The following CACNA1C variants were observed in gnomAD, a reference collection of about 807,000 sequenced individuals.
CACNA1C encodes the protein voltage-dependent L-type calcium channel subunit alpha-1C.
CACNA1C carries 30 observed loss-of-function variants against 229.0 expected under a neutral mutation model. The ratio of observed to expected loss-of-function variants is 0.13; its 90% CI spans 0.10 to 0.18. The LOEUF is 0.18. CACNA1C is among the 10% of genes least tolerant of loss of function. The pLI is 1.00. For missense variants in CACNA1C, 1,658 were observed against 2,845.0 expected, an observed-to-expected ratio of 0.58 and a Z score of 9.49; for synonymous variants, 1,114 against 1,132.5, an observed-to-expected ratio of 0.98 and a Z score of 0.33.
At chr12:1,982,438 T>C (rs1235848803) in intron 1 of CACNA1C, among the ~76,000 whole-genome samples, 1 of 152,192 alleles carries the variant, frequency 6.6e-6, no homozygotes, top group African/African-American at 2.4e-5. Flanking sequence ...TGAATTTGAC[T>C]ACTCTAGGTA....
At chr12:2,118,264 G>A (rs1371617084) in intron 2 of CACNA1C, among the ~76,000 whole-genome samples, 1 of 152,196 alleles carries the variant, frequency 6.6e-6, no homozygotes, top group Non-Finnish European at 1.5e-5. Flanking sequence ...GTGTGCACGG[G>A]TCTGGTTTGG....
intron 5 of CACNA1C, among the ~76,000 whole-genome samples, chr12:2,470,741 C>A (rs1247840636): frequency 6.6e-6 from 1 of 152,208 alleles, no homozygotes; most frequent in Non-Finnish European, 1.5e-5. Context: ...AGGAAGCACT[C>A]AGCAAATACT....
At chr12:2,156,010 G>A (rs925647195) in intron 3 of CACNA1C, among the ~76,000 whole-genome samples, 1 of 152,112 alleles carries the variant, frequency 6.6e-6, no homozygotes, top group Non-Finnish European at 1.5e-5. Context: ...AAAATCTGCA[G>A]CTTAGACACA....
chr12:2,494,226 C>T (rs1454984975), intron 7 of CACNA1C, among the ~76,000 whole-genome samples: 1 of 152,144 alleles, frequency 6.6e-6, no homozygotes, highest in Non-Finnish European at 1.5e-5. Context: ...CCTTTTATTA[C>T]CCAGTAGCCA....
intron 3 of CACNA1C, among the ~76,000 whole-genome samples, chr12:2,253,082 T>C (rs955049464): frequency 9.2e-5 from 14 of 152,300 alleles, no homozygotes; most frequent in Middle Eastern, 3.4e-3. Flanking sequence ...AGGGGAGAAG[T>C]GACCTATCTG....
Position 2,058,732 on chromosome 12 carries a change from A to G in CACNA1C, c.49+5121A>G, listed in dbSNP as rs147254249. Among the ~76,000 whole-genome samples the G allele has an allele frequency of 6.2e-3, 945 of 152,324 alleles. 7 individuals are homozygous for G. Among genetic ancestry groups the G allele is most frequent in the African/African-American group, 0.022 (918 of 41,572 alleles). On this transcript the variant is annotated intron_variant, in intron 1 of 46. Transcript: ENST00000399655. ...GTAAAAGTGACAGGATCCCTCGGGG[A>G]AAATGGAATGGAATGTTTTTCGGTG... is the stretch of plus-strand genomic sequence containing the variant.
At chr12:2,622,983 T>G (rs1328271290) in intron 29 of CACNA1C, among the ~76,000 whole-genome samples, 1 of 152,222 alleles carries the variant, frequency 6.6e-6, no homozygotes, top group African/African-American at 2.4e-5. Flanking sequence ...TTGGAGTCAC[T>G]TTTGAGGAAG....
chr12:2,541,815 T>C (rs1162269550), intron 9 of CACNA1C, among the ~76,000 whole-genome samples: 1 of 152,258 alleles, frequency 6.6e-6, no homozygotes, highest in African/African-American at 2.4e-5. Flanking sequence ...AAGTCGAAGC[T>C]ATTTTGGGTG....
intron 3 of CACNA1C, among the ~76,000 whole-genome samples, chr12:2,141,804 T>TGC (rs1257624707): frequency 6.6e-6 from 1 of 151,236 alleles, no homozygotes; most frequent in Non-Finnish European, 1.5e-5. Context: ...GGCCCCCATC[T>TGC]ATCTGGAAGT....
intron 3 of CACNA1C, among the ~76,000 whole-genome samples, chr12:2,255,630 G>T (rs976982512): frequency 5.9e-5 from 9 of 152,316 alleles, no homozygotes; most frequent in African/African-American, 2.2e-4. Flanking sequence ...GTGGCCTTCA[G>T]AAGACCAGGA....
chr12:2,658,974 T>TA (rs945215347), intron 34 of CACNA1C, among the ~76,000 whole-genome samples: 5 of 152,100 alleles, frequency 3.3e-5, no homozygotes, highest in South Asian at 2.1e-4. Context: ...GTCCAAAAGT[T>TA]AAAAAAAATT....
chr12:2,184,741 A>T (rs1488920657), intron 3 of CACNA1C, among the ~76,000 whole-genome samples: 1 of 152,200 alleles, frequency 6.6e-6, no homozygotes, highest in African/African-American at 2.4e-5. Context: ...TTAGGTTCTA[A>T]TGAGGAAGAC....
In CACNA1C at chr12:2,479,904, G is replaced by C. The variant is rs1051081526; in HGVS notation, c.758-6200G>C. On this transcript the variant is annotated intron_variant, in intron 5 of 46. Coordinates refer to ENST00000399655, the MANE Select transcript of CACNA1C (RefSeq NM_000719.7). This position sits in a 1 kb window ranked among gnomAD's most constrained non-coding sequence, Gnocchi z 4.3. ...CCGCAGCCCTCTCTTCTGTTGGATT[G>C]GGTCGCTGAGAAGTTGTGGTTAAGA... Among the ~76,000 whole-genome samples the C allele has an allele frequency of 3.9e-5, 6 of 152,128 alleles. No homozygotes were observed. The highest frequency in any genetic ancestry group is 1.4e-4 in the African/African-American group (6 of 41,438).
At chr12:2,025,065 C>T (rs549853058) in intron 1 of CACNA1C, among the ~76,000 whole-genome samples, 2 of 152,318 alleles carry the variant, frequency 1.3e-5, no homozygotes, top group African/African-American at 4.8e-5. Flanking sequence ...GCACTTATTT[C>T]TGGGGAAGGC....
intron 34 of CACNA1C, among the ~76,000 whole-genome samples, chr12:2,656,669 G>GATA (rs561857710): frequency 1.2e-4 from 18 of 152,280 alleles, no homozygotes; most frequent in African/African-American, 3.9e-4. Context: ...CACAATGCAT[G>GATA]ATATAAAAAT....
intron 3 of CACNA1C, among the ~76,000 whole-genome samples, chr12:2,211,350 G>A (rs1364927987): frequency 1.3e-5 from 2 of 152,250 alleles, no homozygotes; most frequent in South Asian, 4.1e-4. Context: ...GTCAGGTTTT[G>A]TGGGCACATG....
At chr12:2,548,070 A>C (rs757425394) in intron 9 of CACNA1C, among the ~76,000 whole-genome samples, 13 of 150,150 alleles carry the variant, frequency 8.7e-5, no homozygotes, top group Non-Finnish European at 1.5e-4. Flanking sequence ...AAAAATAAAA[A>C]ATAAAAAAAA....
At chr12:2,529,959 C>T (rs370779661) in intron 9 of CACNA1C, among the ~76,000 whole-genome samples, 7 of 152,334 alleles carry the variant, frequency 4.6e-5, no homozygotes. Context: ...AAGGTCAACT[C>T]CCTTCAAAGG....
At chr12:2,270,973 G>A (rs371910814) in intron 3 of CACNA1C, among the ~76,000 whole-genome samples, 1 of 152,126 alleles carries the variant, frequency 6.6e-6, no homozygotes, top group East Asian at 1.9e-4. Flanking sequence ...TTTGCCGAGG[G>A]CTGGTGGCCT....
Sources: allele counts gnomAD v4.1 joint callset (sites outside exome capture counted in the v4.1 genomes callset), GRCh38; gene constraint gnomAD v4.1.1; non-coding constraint Gnocchi (gnomAD v3.1); transcripts MANE v1.5; gene names NCBI Gene and HGNC (gene_info 2026-07-23, HGNC 2026-07-21).